The following HSD17B12 variants were observed in gnomAD, a reference collection of about 807,000 sequenced individuals.
HSD17B12 encodes the protein hydroxysteroid 17-beta dehydrogenase 12.
Under a neutral mutation model 39.3 loss-of-function variants are expected in HSD17B12, and 32 were observed. That is an observed-to-expected ratio of 0.81 (90% CI 0.61 to 1.09). The LOEUF is 1.09. Ranked by LOEUF, HSD17B12 falls within the 50% of genes least tolerant of loss-of-function variation. HSD17B12 has a pLI of 0.00. For synonymous variants in HSD17B12, 150 were observed against 146.7 expected, an observed-to-expected ratio of 1.02 and a Z score of -0.16; for missense variants, 342 against 382.9, an observed-to-expected ratio of 0.89 and a Z score of 0.89.
At chr11:43,817,289 T>C (rs767281993) in intron 6 of HSD17B12, among the ~76,000 whole-genome samples, 1 of 152,158 alleles carries the variant, frequency 6.6e-6, no homozygotes, top group Non-Finnish European at 1.5e-5. Flanking sequence ...TCCCACTCTG[T>C]GGGTTGTCTG....
chr11:43,658,625 G>A, the HSD17B12 span, among the ~76,000 whole-genome samples: 7 of 152,190 alleles, frequency 4.6e-5, no homozygotes, highest in Admixed American at 2.6e-4. Flanking sequence ...AGGACCCTCA[G>A]CTGCAGGTCT....
intron 1 of HSD17B12, chr11:43,733,626 A>G (rs1016727943): frequency 5.0e-6 from 2 of 396,524 alleles, no homozygotes; most frequent in Non-Finnish European, 9.6e-6. Flanking sequence ...AAAAATAGCA[A>G]TTTCTGTCCC....
At chr11:43,611,174 T>G in the HSD17B12 span, among the ~76,000 whole-genome samples, 1 of 152,332 alleles carries the variant, frequency 6.6e-6, no homozygotes, top group African/African-American at 2.4e-5. Flanking sequence ...TATTGGTGGA[T>G]GATCGCAGAA....
At chr11:43,599,163 G>C in the HSD17B12 span, among the ~76,000 whole-genome samples, 1 of 152,156 alleles carries the variant, frequency 6.6e-6, no homozygotes, top group African/African-American at 2.4e-5. Flanking sequence ...CTGGAACGAT[G>C]TTCACCTAAT....
At chr11:43,795,923 T>C (rs1950912399) in intron 3 of HSD17B12, among the ~76,000 whole-genome samples, 1 of 151,990 alleles carries the variant, frequency 6.6e-6, no homozygotes, top group East Asian at 1.9e-4. Flanking sequence ...GGGGGGATGG[T>C]TGCATTTATT....
At chr11:43,619,228 G>GAT in the HSD17B12 span, among the ~76,000 whole-genome samples, 50 of 20,888 alleles carry the variant, frequency 2.4e-3, no homozygotes, top group Admixed American at 0.015. Flanking sequence ...ATATATATAT[G>GAT]ATATATATAT....
the HSD17B12 span, among the ~76,000 whole-genome samples, chr11:43,615,722 T>C: frequency 6.6e-6 from 1 of 152,218 alleles, no homozygotes. Flanking sequence ...TATGTGTTTA[T>C]AGAAGGAGGA....
chr11:43,784,555 T>C (rs1363747882), intron 3 of HSD17B12, among the ~76,000 whole-genome samples: 2 of 152,026 alleles, frequency 1.3e-5, no homozygotes, highest in African/African-American at 4.8e-5. Context: ...ATTTTTACTT[T>C]CTGAGTCTCT....
In HSD17B12 at chr11:43,850,576, C is replaced by T. The variant is rs1007469228; in HGVS notation, c.685-4139C>T. ...CATGTTTAGTACACAGATGATGACA[C>T]CTGAAAGATGCCCTACCATGTTAAG... is the stretch of plus-strand genomic sequence containing the variant. On this transcript the variant is annotated intron_variant, in intron 9 of 10. Coordinates refer to ENST00000278353, the MANE Select transcript of HSD17B12 (RefSeq NM_016142.3). 3.3e-5 allele frequency among the ~76,000 whole-genome samples: 5 copies of T among 152,246 alleles called. No individual in the cohort carries two copies. In the East Asian group the frequency reaches 9.6e-4, roughly 29 times the overall value.
chr11:43,568,752 G>A, the HSD17B12 span, among the ~76,000 whole-genome samples: 35 of 152,146 alleles, frequency 2.3e-4, no homozygotes, highest in Non-Finnish European at 3.4e-4. Context: ...CTGACTTTTT[G>A]GTTGGTGTTG....
At chr11:43,609,532 A>AT in the HSD17B12 span, among the ~76,000 whole-genome samples, 1 of 151,776 alleles carries the variant, frequency 6.6e-6, no homozygotes, top group Non-Finnish European at 1.5e-5. Flanking sequence ...TGCCAGGCTA[A>AT]TTTTTTAATT....
intron 1 of HSD17B12, among the ~76,000 whole-genome samples, chr11:43,710,454 G>T (rs745907426): frequency 3.3e-5 from 5 of 152,170 alleles, no homozygotes; most frequent in Non-Finnish European, 5.9e-5. Flanking sequence ...GACACTGCCA[G>T]AGCGAACTCA....
chr11:43,571,036 T>C, the HSD17B12 span, among the ~76,000 whole-genome samples: 1 of 152,226 alleles, frequency 6.6e-6, no homozygotes, highest in Non-Finnish European at 1.5e-5. Flanking sequence ...ATTAAAGAAA[T>C]ACAATCCCCA....
intron 6 of HSD17B12, among the ~76,000 whole-genome samples, chr11:43,824,537 T>C (rs1460897419): frequency 1.3e-5 from 2 of 152,142 alleles, no homozygotes; most frequent in Non-Finnish European, 2.9e-5. Flanking sequence ...CTTCTTGCCA[T>C]GTCCTCATGT....
At chr11:43,843,078 C>A (rs1951441876) in intron 9 of HSD17B12, among the ~76,000 whole-genome samples, 1 of 152,088 alleles carries the variant, frequency 6.6e-6, no homozygotes, top group African/African-American at 2.4e-5. Context: ...GAAGTATAAA[C>A]TGTCATTTCA....
intron 1 of HSD17B12, among the ~76,000 whole-genome samples, chr11:43,724,695 G>C (rs905034652): frequency 6.6e-6 from 1 of 152,080 alleles, no homozygotes; most frequent in Non-Finnish European, 1.5e-5. Flanking sequence ...CTCTGTCCTC[G>C]TGATCCAACC....
the HSD17B12 span, among the ~76,000 whole-genome samples, chr11:43,674,175 G>A: frequency 6.6e-6 from 1 of 152,202 alleles, no homozygotes; most frequent in East Asian, 1.9e-4. Context: ...AGAGCTATTA[G>A]TCACATGTTT....
the HSD17B12 span, among the ~76,000 whole-genome samples, chr11:43,582,109 C>T: frequency 6.6e-6 from 1 of 152,202 alleles, no homozygotes; most frequent in African/African-American, 2.4e-5. Context: ...CTGCTTCCAA[C>T]CTAATTTGGG....
chr11:43,652,237 C>T, the HSD17B12 span, among the ~76,000 whole-genome samples: 115 of 152,164 alleles, frequency 7.6e-4, 1 homozygote, highest in Non-Finnish European at 7.4e-5. Flanking sequence ...TTTAAAACCA[C>T]AGTAATCAAG....
Sources: gnomAD v4.1 joint callset for allele counts (sites outside exome capture counted in the v4.1 genomes callset) on GRCh38, gnomAD v4.1.1 for gene constraint, MANE v1.5 for transcripts, NCBI Gene and HGNC (gene_info 2026-07-23, HGNC 2026-07-21) for gene names.